Variants in PRDM2 observed in about 807,000 individuals in gnomAD.
The protein encoded by PRDM2 is PR domain zinc finger protein 2.
A neutral mutation model predicts 130.0 loss-of-function variants in PRDM2; 30 were observed. That is an observed-to-expected ratio of 0.23 (90% confidence interval 0.17 to 0.31). The LOEUF (loss-of-function observed/expected upper bound fraction) is 0.31, where lower values mean the gene tolerates loss of function less well. Among genes scored for constraint, PRDM2 ranks in the 10% least tolerant of loss-of-function variants. The pLI is 1.00. For missense variants in PRDM2, 2,011 were observed against 2,108.4 expected (o/e 0.95, Z 0.90); for synonymous variants, 871 against 782.4 (o/e 1.11, Z -1.89).
At chr1:13,725,387 T>G (rs1642878782) in intron 2 of PRDM2, among the ~76,000 whole-genome samples, 1 of 152,058 alleles carries the variant, frequency 6.6e-6, no homozygotes, top group South Asian at 2.1e-4. Flanking sequence ...GTTTTTTTAG[T>G]AGAGATAGGT....
chr1:13,783,990 A>C (rs904759605), intron 8 of PRDM2, among the ~76,000 whole-genome samples: 3 of 152,182 alleles, frequency 2.0e-5, no homozygotes, highest in African/African-American at 7.2e-5. Flanking sequence ...ATGAGGTAGA[A>C]TTTTTAATGC....
intron 1 of PRDM2, among the ~76,000 whole-genome samples, chr1:13,702,180 ATATATATTTATTTACATTT>A: frequency 6.6e-6 from 1 of 152,254 alleles, no homozygotes; most frequent in East Asian, 1.9e-4. Context: ...ATTCACATAT[ATATATATTTATTTACATTT>A]TATACAGGAT....
chr1:13,726,099 C>G (rs1642907740), intron 2 of PRDM2, among the ~76,000 whole-genome samples: 1 of 152,172 alleles, frequency 6.6e-6, no homozygotes, highest in Non-Finnish European at 1.5e-5. Context: ...GTGCCTATAG[C>G]AATTGGTAGT....
chr1:13,780,818 C>G lies in PRDM2; in HGVS notation c.3023C>G (p.Pro1008Arg), dbSNP rs1263832543. ...TCCAGTGCATCTCCACACCCATGCC[C>G]CTCTCCACTCTCAAATGCCACCGCA... ...PSSSASPHPC[P>R]SPLSNATAQS... Residue 1008 changes from proline (P) to arginine (R), a missense_variant, in exon 8 of 10, where the codon CCC (proline) becomes CGC (arginine). Pro to Arg is a moderately radical substitution (Grantham distance 103). This residue lies in a region of PRDM2 where 1,288 missense variants were observed against 1,237.7 expected (regional missense o/e 1.04). Coordinates refer to ENST00000311066, the MANE Select transcript of PRDM2 (RefSeq NM_001393986.1). The G allele has an allele frequency of 1.2e-6, 2 of 1,602,478 alleles. No individual in the cohort carries two copies. The highest frequency in any genetic ancestry group is 1.7e-5 in the Admixed American group (1 of 59,412).
intron 2 of PRDM2, among the ~76,000 whole-genome samples, chr1:13,728,432 T>C (rs536941146): frequency 5.0e-4 from 76 of 152,316 alleles, no homozygotes; most frequent in African/African-American, 1.6e-3. Flanking sequence ...TCTCAAATCA[T>C]TGATTTTCTA....
At chr1:13,759,707 T>C (rs1441771259) in intron 6 of PRDM2, among the ~76,000 whole-genome samples, 1 of 152,216 alleles carries the variant, frequency 6.6e-6, no homozygotes. Flanking sequence ...GGCAGCACCA[T>C]GATGATAATA....
At position 13,816,568 on chromosome 1, in the gene PRDM2, C is replaced by T. The variant is rs751051735; in HGVS notation, c.*21C>T. On this transcript the variant is annotated splice_region_variant and 3_prime_UTR_variant, in exon 9 of 10. Coordinates refer to ENST00000311066, the MANE Select transcript of PRDM2 (RefSeq NM_001393986.1). ...AGTAGACACTCTGGCTGCTCCCTGA[C>T]AGGTACGAGGCAGGATGGAACAGCT... 4.0e-5 allele frequency: 64 copies of T among 1,613,882 alleles called. No individual in the cohort carries two copies. Among genetic ancestry groups the T allele is most frequent in the Non-Finnish European group, 5.0e-5 (59 of 1,179,976 alleles).
rs570272084 is a variant in PRDM2 at position 13,785,655 on chromosome 1, A to G, written c.5036+2824A>G. Among the ~76,000 whole-genome samples the G allele has an allele frequency of 4.9e-5, 7 of 143,070 alleles. No homozygotes were observed. In the South Asian group the frequency reaches 1.3e-3, roughly 26 times the overall value. The allele number at this position is 143,070 out of a possible 152,430, so 93.9% of individuals were successfully genotyped here. On this transcript the variant is annotated intron_variant, in intron 8 of 9. Coordinates refer to ENST00000311066, the MANE Select transcript of PRDM2 (RefSeq NM_001393986.1). The stretch of plus-strand genomic sequence containing the variant: ...TTCAGGTTCTCCTGCTGCAGCTCTT[A>G]CTACAGTGACCCACCCCCCACCCCT...
rs757214553 is a variant in PRDM2 at position 13,786,534 on chromosome 1, C to A, written c.5036+3703C>A. 3.7e-6 allele frequency: 6 copies of A among 1,609,704 alleles called. No homozygotes were observed. In the South Asian group the frequency reaches 5.5e-5, roughly 15 times the overall value. The stretch of plus-strand genomic sequence containing the variant: ...TTCTAGGAACTTCCTGTAGAAAAGC[C>A]CCCAAAACAAAACAAACCTTAATTG... On this transcript the variant is annotated intron_variant, in intron 8 of 9. Transcript: ENST00000311066.
rs1644605349 is a variant in PRDM2, at chr1:13,781,171, G to T, written c.3376G>T (p.Val1126Phe). The change falls in exon 8 of 10, where the codon GTT becomes TTT. Residue 1126 changes from valine to phenylalanine, a missense_variant. Val to Phe is a conservative substitution (Grantham distance 50, BLOSUM62 -1). Transcript: ENST00000311066. The surrounding 1 kb of genome is among the most constrained non-coding windows in gnomAD (Gnocchi z 6.1). ...PQSAAEQDVV[V>F]QETFNKNFVC... ...GTCTGCTGCTGAACAGGATGTTGTTGTTCAGGAAACATTCAACAAAAACTT... is the reference window on the plus strand; with the variant it reads ...GTCTGCTGCTGAACAGGATGTTGTTTTTCAGGAAACATTCAACAAAAACTT... The T allele has an allele frequency of 6.2e-7, 1 of 1,614,144 alleles. No individual in the cohort carries two copies. The highest frequency in any genetic ancestry group is 8.5e-7 in the Non-Finnish European group (1 of 1,180,016).
intron 6 of PRDM2, among the ~76,000 whole-genome samples, chr1:13,750,295 G>A (rs1007648949): frequency 1.3e-5 from 2 of 151,928 alleles, no homozygotes; most frequent in Non-Finnish European, 2.9e-5. Flanking sequence ...GTGAATTGGG[G>A]AATAGTTCAT....
At position 13,803,717 on chromosome 1, in the gene PRDM2, G is replaced by T. The variant is rs978964402; in HGVS notation, c.5037-12710G>T. 3.3e-5 allele frequency among the ~76,000 whole-genome samples: 5 copies of T among 152,312 alleles called. No individual in the cohort carries two copies. The Middle Eastern group carries it at 0.01, about 311-fold the overall frequency. On this transcript the variant is annotated intron_variant, in intron 8 of 9. Transcript: ENST00000311066. The surrounding 1 kb of genome is among the most constrained non-coding windows in gnomAD (Gnocchi z 6.2). ...AGCCGGGGGCTTTCCCCGCGGGCAG[G>T]TTCTCCGGGCCGAGGTCACTGCAGG... is the stretch of plus-strand genomic sequence containing the variant.
intron 8 of PRDM2, 67 bp downstream of exon 8, chr1:13,782,898 T>C: frequency 6.3e-7 from 1 of 1,591,768 alleles, no homozygotes; most frequent in Non-Finnish European, 8.5e-7. Flanking sequence ...ACGGGTGTTT[T>C]TTGGTTTCTT....
intron 8 of PRDM2, among the ~76,000 whole-genome samples, chr1:13,788,480 GT>G (rs1644785416): frequency 6.6e-6 from 1 of 152,180 alleles, no homozygotes; most frequent in South Asian, 2.1e-4. Context: ...AATTGCTGGG[GT>G]TTTTTAAGAT....
intron 8 of PRDM2, among the ~76,000 whole-genome samples, chr1:13,794,928 C>T (rs1388279808): frequency 1.3e-5 from 2 of 152,194 alleles, no homozygotes; most frequent in Non-Finnish European, 2.9e-5. Context: ...TGTGTCTTTG[C>T]CAGGCCAGAG....
chr1:13,723,145 T>C (rs1045925734), intron 2 of PRDM2, among the ~76,000 whole-genome samples: 3 of 152,212 alleles, frequency 2.0e-5, no homozygotes, highest in Admixed American at 2.0e-4. Flanking sequence ...TTGCCTGGAC[T>C]GCTCAGTTCT....
intron 8 of PRDM2, among the ~76,000 whole-genome samples, chr1:13,802,117 A>G (rs553567495): frequency 6.6e-6 from 1 of 152,276 alleles, no homozygotes; most frequent in East Asian, 1.9e-4. Flanking sequence ...AGACTTTACT[A>G]TTCAACCCCG....
rs1645046595 is a variant in PRDM2, at chr1:13,803,842, G to T, written c.5037-12585G>T. 6.6e-6 allele frequency among the ~76,000 whole-genome samples: 1 copy of T among 152,128 alleles called. No individual in the cohort carries two copies. Among genetic ancestry groups the T allele is most frequent in the Non-Finnish European group, 1.5e-5 (1 of 68,030 alleles). ...ACCCAAACAGGTTTGGGGAATTCAT[G>T]GCCTCTGAGGACCTCAGAACCTGGC... On this transcript the variant is annotated intron_variant, in intron 8 of 9. Transcript: ENST00000311066. The surrounding 1 kb of genome is among the most constrained non-coding windows in gnomAD (Gnocchi z 6.2).
At chr1:13,788,030 T>A in intron 8 of PRDM2, 3 of 980,992 alleles carry the variant, frequency 3.1e-6, no homozygotes, top group Non-Finnish European at 3.6e-6. Context: ...AGAGGAGAAT[T>A]TAAACAATGC....
Sources: gnomAD v4.1 joint callset for allele counts (sites outside exome capture counted in the v4.1 genomes callset) on GRCh38, gnomAD v4.1.1 for gene constraint, gnomAD v4.1.1 regional missense constraint, Gnocchi (gnomAD v3.1) non-coding constraint, MANE v1.5 for transcripts, NCBI Gene and HGNC (gene_info 2026-07-23, HGNC 2026-07-21) for gene names.